The following ASPG variants were observed in gnomAD, a reference collection of about 807,000 sequenced individuals.
ASPG encodes 60 kDa lysophospholipase.
In ASPG, 53 loss-of-function variants were observed where a neutral mutation model predicts 63.2. That is an observed-to-expected ratio of 0.84 (90% CI 0.67 to 1.05). The LOEUF is 1.05. Ranked by LOEUF, ASPG falls within the 50% of genes least tolerant of loss-of-function variation. The pLI is 0.00. For synonymous variants in ASPG, 370 were observed against 355.0 expected (o/e 1.04, Z -0.48); for missense variants, 741 against 794.4 (o/e 0.93, Z 0.81).
chr14:104,091,893 A>C lies in ASPG; in HGVS notation c.83-740A>C, dbSNP rs1472227646. On this transcript the variant is annotated intron_variant, in intron 1 of 15. Transcript: ENST00000551177. This position sits in a 1 kb window ranked among gnomAD's most constrained non-coding sequence, Gnocchi z 6.4. ...GCTGAGGGGTCAGGGCTTTATACTG[A>C]GCAGCTGGCCCCAGGGAATGAGTGG... 1.3e-5 allele frequency among the ~76,000 whole-genome samples: 2 copies of C among 151,888 alleles called. No individual in the cohort carries two copies. The highest frequency in any genetic ancestry group is 4.8e-5 in the African/African-American group (2 of 41,312).
Position 104,098,712 on chromosome 14 carries a change from C to G in ASPG, c.514-141C>G, listed in dbSNP as rs184480979. On this transcript the variant is annotated intron_variant, in intron 5 of 15. Transcript: ENST00000551177. Reference sequence around the variant, plus strand: ...GGGCAGTACCTGCTCCCAGGAAGGTCTCTGCCTGCGGTGGGTGGGGTTACA... The same window carrying G: ...GGGCAGTACCTGCTCCCAGGAAGGTGTCTGCCTGCGGTGGGTGGGGTTACA... 3.8e-4 allele frequency: 509 copies of G among 1,331,052 alleles called. 3 individuals are homozygous for G. Among genetic ancestry groups the G allele is most frequent in the Non-Finnish European group, 3.6e-5 (35 of 977,512 alleles). The allele number at this position is 1,331,052 out of a possible 1,614,324, so 82.5% of individuals were successfully genotyped here. A position where few individuals can be genotyped will look rare whatever the true frequency, so the allele number is the denominator to read the frequency against.
At chr14:104,107,375 C>T in intron 12 of ASPG, 30 bp downstream of exon 12, 2 of 1,444,838 alleles carry the variant, frequency 1.4e-6, no homozygotes, top group Non-Finnish European at 1.8e-6. Flanking sequence ...ACAGAGCTGC[C>T]TTGGACAGGT....
chr14:104,104,491 T>C lies in ASPG; in HGVS notation c.936+5T>C. ...ACAGACTATGCAGCTGGCATGGTAG[T>C]GCCGGGAGATCAGGGCCTAGCGGGG... On this transcript the variant is annotated splice_donor_5th_base_variant and intron_variant, in intron 8 of 15. Transcript: ENST00000551177. 6.2e-7 allele frequency: 1 copy of C among 1,611,110 alleles called. No homozygotes were observed. Among genetic ancestry groups the C allele is most frequent in the Non-Finnish European group, 8.5e-7 (1 of 1,178,822 alleles).
At position 104,110,733 on chromosome 14, in the gene ASPG, T is replaced by TCCTCACCAGGCCACTTCCC. The variant is rs2037349034; in HGVS notation, c.1521-766_1521-748dup. 17 of 985,110 alleles carry TCCTCACCAGGCCACTTCCC rather than the reference T, an allele frequency of 1.7e-5. No homozygotes were observed. Among genetic ancestry groups the TCCTCACCAGGCCACTTCCC allele is most frequent in the Non-Finnish European group, 2.0e-5 (17 of 829,828 alleles). 61.0% of individuals were successfully genotyped at this position (985,110 alleles called of 1,614,324 possible). On this transcript the variant is annotated intron_variant, in intron 13 of 15. Transcript: ENST00000551177. This position sits in a 1 kb window ranked among gnomAD's most constrained non-coding sequence, Gnocchi z 4.7. ...CCCTCCAGAGGAGGGGGCAGCCCCTTCCTCACCAGGCCACTTCCCCCAGCC... is the reference window on the plus strand; with the variant it reads ...CCCTCCAGAGGAGGGGGCAGCCCCTTCCTCACCAGGCCACTTCCCCCTCACCAGGCCACTTCCCCCAGCC...
chr14:104,108,972 A>C, intron 12 of ASPG: 1 of 985,234 alleles, frequency 1.0e-6, no homozygotes, highest in Non-Finnish European at 1.2e-6. Flanking sequence ...CACAGAGTTG[A>C]CCCCACCCCT....
At chr14:104,103,522 G>T in intron 6 of ASPG, 41 bp from the exon 7 acceptor site, 1 of 1,513,174 alleles carries the variant, frequency 6.6e-7, no homozygotes, top group Non-Finnish European at 8.9e-7. Context: ...TCGGCTGGCA[G>T]GAGGCCTGAA....
chr14:104,104,499 G>T lies in ASPG; in HGVS notation c.936+13G>T. The T allele has an allele frequency of 1.2e-6, 2 of 1,610,366 alleles. No individual in the cohort carries two copies. Among genetic ancestry groups the T allele is most frequent in the South Asian group, 1.1e-5 (1 of 90,914 alleles). On this transcript the variant is annotated intron_variant, in intron 8 of 15. Coordinates refer to ENST00000551177, the MANE Select transcript of ASPG (RefSeq NM_001080464.3). Reference sequence around the variant, plus strand: ...TGCAGCTGGCATGGTAGTGCCGGGAGATCAGGGCCTAGCGGGGAAGGGGAC... The same window carrying T: ...TGCAGCTGGCATGGTAGTGCCGGGATATCAGGGCCTAGCGGGGAAGGGGAC...
At chr14:104,103,914 C>T (rs571444588) in intron 7 of ASPG, among the ~76,000 whole-genome samples, 8 of 152,372 alleles carry the variant, frequency 5.3e-5, no homozygotes, top group African/African-American at 1.9e-4. Flanking sequence ...GAACGGGGTC[C>T]TCCATGCTTT....
At chr14:104,100,390 C>T (rs936256342) in intron 6 of ASPG, among the ~76,000 whole-genome samples, 5 of 152,138 alleles carry the variant, frequency 3.3e-5, no homozygotes, top group South Asian at 2.1e-4. Context: ...AGTCCGGGCT[C>T]GGTGGCTGAC....
chr14:104,088,867 C>T (rs1012874653), intron 1 of ASPG, among the ~76,000 whole-genome samples: 1 of 152,118 alleles, frequency 6.6e-6, no homozygotes, highest in African/African-American at 2.4e-5. Flanking sequence ...CAAACTCAGG[C>T]ACCTGCCTGG....
chr14:104,110,353 T>G lies in ASPG; in HGVS notation c.1520+1038T>G, dbSNP rs1177171035. The G allele has an allele frequency of 4.1e-6, 4 of 985,114 alleles. No homozygotes were observed. The highest frequency in any genetic ancestry group is 1.1e-4 in the East Asian group (1 of 8,804). The allele number at this position is 985,114 out of a possible 1,614,324, so 61.0% of individuals were successfully genotyped here. ...TCTGGGACCGGCCCACAACCCCTGGTCTTGCTTTTGAAGGGACTTCCGGGG... is the reference window on the plus strand; with the variant it reads ...TCTGGGACCGGCCCACAACCCCTGGGCTTGCTTTTGAAGGGACTTCCGGGG... On this transcript the variant is annotated intron_variant, in intron 13 of 15. Coordinates refer to ENST00000551177, the MANE Select transcript of ASPG (RefSeq NM_001080464.3). The surrounding 1 kb of genome is among the most constrained non-coding windows in gnomAD (Gnocchi z 4.7).
intron 13 of ASPG, 131 bp from the exon 14 acceptor site, chr14:104,111,371 A>C: frequency 9.8e-7 from 1 of 1,023,342 alleles, no homozygotes; most frequent in South Asian, 1.6e-5. Flanking sequence ...CCCCAGGACC[A>C]GGTCGCTGCT....
At position 104,103,623 on chromosome 14, in the gene ASPG, T is replaced by A. The variant is rs2036980523; in HGVS notation, c.701T>A (p.Met234Lys). The A allele has an allele frequency of 6.5e-7, 1 of 1,548,134 alleles. No homozygotes were observed. Among genetic ancestry groups the A allele is most frequent in the Non-Finnish European group, 8.7e-7 (1 of 1,146,764 alleles). Residue 234 changes from methionine to lysine, a missense_variant, in exon 7 of 16, where the codon ATG (methionine) becomes AAG (lysine). Transcript: ENST00000551177. ...GCTGGGCTGGTGGTGCACAGCAGCA[T>A]GGAGCAGGACGTGGGCCTGCTGCGC... Reference protein sequence around the residue: ...GKAGLVVHSSMEQDVGLLRLY... With the variant: ...GKAGLVVHSSKEQDVGLLRLY...
chr14:104,113,634 G>C lies in ASPG; in HGVS notation c.*1090G>C, dbSNP rs1215280114. 1 of 152,334 alleles carries C rather than the reference G, an allele frequency of 6.6e-6. No individual in the cohort carries two copies. The highest frequency in any genetic ancestry group is 1.5e-5 in the Non-Finnish European group (1 of 68,118). The allele number at this position is 152,334 out of a possible 1,614,324, so 9.4% of individuals were successfully genotyped here. A position where few individuals can be genotyped will look rare whatever the true frequency, so the allele number is the denominator to read the frequency against. Reference sequence around the variant, plus strand: ...CTCTGTTTGGCTGGCCTCTGGACTGGAGCCCCAGGAGGGCAAAAGCATGAC... The same window carrying C: ...CTCTGTTTGGCTGGCCTCTGGACTGCAGCCCCAGGAGGGCAAAAGCATGAC... On this transcript the variant is annotated 3_prime_UTR_variant, in exon 16 of 16. Transcript: ENST00000551177.
At chr14:104,108,349 G>C in intron 12 of ASPG, 1 of 950,254 alleles carries the variant, frequency 1.1e-6, no homozygotes, top group Non-Finnish European at 1.3e-6. Flanking sequence ...TGGGTGGCGC[G>C]GAGACGAGCT....
At chr14:104,098,223 G>A (rs2036714471) in intron 5 of ASPG, among the ~76,000 whole-genome samples, 1 of 152,178 alleles carries the variant, frequency 6.6e-6, no homozygotes, top group Non-Finnish European at 1.5e-5. Context: ...GATACGTATG[G>A]AGGTTTTACA....
intron 6 of ASPG, among the ~76,000 whole-genome samples, chr14:104,102,501 T>C (rs2036923277): frequency 6.6e-6 from 1 of 152,074 alleles, no homozygotes; most frequent in African/African-American, 2.4e-5. Context: ...TCCCCACCCC[T>C]GGGCCTCGGT....
rs1324167389 is a variant in ASPG at position 104,110,899 on chromosome 14, C to A, written c.1521-603C>A. On this transcript the variant is annotated intron_variant, in intron 13 of 15. Coordinates refer to ENST00000551177, the MANE Select transcript of ASPG (RefSeq NM_001080464.3). The surrounding 1 kb of genome is among the most constrained non-coding windows in gnomAD (Gnocchi z 4.7). ...TGGTGAGGGCCTGGCAGGTGCTCCC[C>A]ACTCCAGGGCAGGTGGGCCCAGACC... 1.4e-5 allele frequency: 14 copies of A among 985,268 alleles called. No individual in the cohort carries two copies. Among genetic ancestry groups the A allele is most frequent in the South Asian group, 1.4e-4 (3 of 21,290 alleles). 61.0% of individuals were successfully genotyped at this position (985,268 alleles called of 1,614,324 possible).
intron 10 of ASPG, 21 bp from the exon 11 acceptor site, chr14:104,106,778 G>A: frequency 6.4e-7 from 1 of 1,565,698 alleles, no homozygotes; most frequent in Non-Finnish European, 8.7e-7. Flanking sequence ...TGGGTCCCAG[G>A]GTGCCGCCTT....
Sources: gnomAD v4.1 joint callset for allele counts (sites outside exome capture counted in the v4.1 genomes callset) on GRCh38, gnomAD v4.1.1 for gene constraint, Gnocchi (gnomAD v3.1) non-coding constraint, MANE v1.5 for transcripts, NCBI Gene and HGNC (gene_info 2026-07-23, HGNC 2026-07-21) for gene names.